The following GRIA3 variants were observed in gnomAD, a reference collection of about 807,000 sequenced individuals.
The protein encoded by GRIA3 is glutamate receptor 3.
In GRIA3, 3 loss-of-function variants were observed where a neutral mutation model predicts 63.0. That is an observed-to-expected ratio of 0.05 (90% CI 0.02 to 0.12). The LOEUF is 0.12. GRIA3 is among the 10% of genes least tolerant of loss of function. The pLI, the probability that GRIA3 is intolerant of heterozygous loss-of-function variation, is 1.00. For synonymous variants in GRIA3, 274 were observed against 257.9 expected (o/e 1.06, Z -0.60); for missense variants, 347 against 700.9 (o/e 0.50, Z 5.70).
chrX:123,373,325 TATGTGTGC>T (rs1181144830), intron 5 of GRIA3, among the ~76,000 whole-genome samples: 6 of 111,975 alleles, frequency 5.4e-5, no homozygotes, highest in Non-Finnish European at 1.1e-4. Context: ...ACAATAAACA[TATGTGTGC>T]ATGTGTCTTT....
chrX:123,242,651 T>C (rs1300327396), intron 2 of GRIA3, among the ~76,000 whole-genome samples: 1 of 112,481 alleles, frequency 8.9e-6, no homozygotes, highest in Admixed American at 9.4e-5. Context: ...CAAGTACCAA[T>C]ACTACTTACT....
Position 123,391,287 on chromosome X carries a change from A to G in GRIA3, c.751-3681A>G, listed in dbSNP as rs187504109. Among the ~76,000 whole-genome samples the G allele has an allele frequency of 1.6e-4, 18 of 109,579 alleles. No homozygotes were observed. The East Asian group carries it at 4.6e-3, about 28-fold the overall frequency. On this transcript the variant is annotated intron_variant, in intron 5 of 15. Transcript: ENST00000620443. ...ACAGTTACTTCTTCTAATATTTTAA[A>G]TTTGCTTTTGTAGGGGAGGACTTTT...
Position 123,482,938 on chromosome X carries a change from C to T in GRIA3, c.2579C>T (p.Thr860Ile). Residue 860 changes from threonine to isoleucine, a missense_variant, in exon 15 of 16, where the codon ACA becomes ATA. Physicochemically the swap from Thr to Ile is moderately conservative, Grantham distance 89 (BLOSUM62 -1). Around this residue, in one of 8 missense-constraint regions of GRIA3, gnomAD observed 29 missense variants for 46.7 expected, o/e 0.62. Coordinates refer to ENST00000620443, the MANE Select transcript of GRIA3 (RefSeq NM_007325.5). The stretch of plus-strand genomic sequence containing the variant: ...GCAGAGTCCAAACGCATGAAACTCA[C>T]AAAGAACACCCAAAACTTTAAGCCT... ...SRAESKRMKL[T>I]KNTQNFKPAP... 1 of 1,209,960 alleles carries T rather than the reference C, an allele frequency of 8.3e-7. No homozygotes were observed. Among genetic ancestry groups the T allele is most frequent in the Non-Finnish European group, 1.1e-6 (1 of 894,338 alleles).
chrX:123,482,724 A>G, intron 14 of GRIA3, 75 bp from the exon 15 acceptor site: 1 of 1,065,955 alleles, frequency 9.4e-7, no homozygotes, highest in Non-Finnish European at 1.3e-6. Context: ...ACTCCCCTGT[A>G]CTGTTGTAAT....
At chrX:123,372,102 C>T (rs988133000) in intron 5 of GRIA3, among the ~76,000 whole-genome samples, 2 of 111,871 alleles carry the variant, frequency 1.8e-5, no homozygotes, top group African/African-American at 6.5e-5. Context: ...TATGGATATC[C>T]AGTTTTCCCA....
At chrX:123,432,926 C>A (rs935058219) in intron 12 of GRIA3, among the ~76,000 whole-genome samples, 1 of 111,554 alleles carries the variant, frequency 9.0e-6, no homozygotes, top group Non-Finnish European at 1.9e-5. Context: ...CTTTTTGAAA[C>A]AAGCAAACTT....
intron 2 of GRIA3, among the ~76,000 whole-genome samples, chrX:123,221,935 T>A (rs1408060470): frequency 1.8e-5 from 2 of 111,689 alleles, no homozygotes; most frequent in African/African-American, 6.5e-5. Context: ...TGGGTGATAG[T>A]GAAACATTGC....
chrX:123,487,504 CGTTAT>C (rs2045948329), intron 15 of GRIA3, among the ~76,000 whole-genome samples: 1 of 111,095 alleles, frequency 9.0e-6, no homozygotes, highest in Non-Finnish European at 1.9e-5. Context: ...AAAGAATTCA[CGTTAT>C]GTTAAGTATG....
At chrX:123,202,468 C>G (rs143275886) in intron 2 of GRIA3, among the ~76,000 whole-genome samples, 1 of 112,549 alleles carries the variant, frequency 8.9e-6, no homozygotes, top group Non-Finnish European at 1.9e-5. Context: ...TCTCACTAGT[C>G]TTAGCTCCTC....
intron 5 of GRIA3, among the ~76,000 whole-genome samples, chrX:123,358,076 G>A (rs766066297): frequency 9.0e-5 from 10 of 111,256 alleles, no homozygotes; most frequent in Middle Eastern, 4.6e-3. Context: ...GACAGACAGA[G>A]AGAGAGAGAG....
intron 2 of GRIA3, among the ~76,000 whole-genome samples, chrX:123,242,964 TATTC>T (rs1273350761): frequency 8.9e-6 from 1 of 112,603 alleles, no homozygotes; most frequent in Admixed American, 9.4e-5. Context: ...ACTTTACACA[TATTC>T]ATTTAATCCA....
chrX:123,380,142 C>T (rs1472435504), intron 5 of GRIA3, among the ~76,000 whole-genome samples: 4 of 111,253 alleles, frequency 3.6e-5, no homozygotes, highest in Non-Finnish European at 7.5e-5. Flanking sequence ...GATTTATAAT[C>T]GTTTGGGTAT....
chrX:123,451,190 G>A lies in GRIA3; in HGVS notation c.2077-13675G>A, dbSNP rs2045728097. 2.7e-5 allele frequency among the ~76,000 whole-genome samples: 3 copies of A among 110,902 alleles called. No individual in the cohort carries two copies. The South Asian group carries it at 1.1e-3, about 42-fold the overall frequency. On this transcript the variant is annotated intron_variant, in intron 12 of 15. Coordinates refer to ENST00000620443, the MANE Select transcript of GRIA3 (RefSeq NM_007325.5). ...TGTCAGGGCAAAAGTTGAGAAGCAG[G>A]GAGACAGACCACTTAAGAAGTGATT...
chrX:123,281,916 T>C (rs905453422), intron 3 of GRIA3, among the ~76,000 whole-genome samples: 7 of 111,853 alleles, frequency 6.3e-5, no homozygotes, highest in East Asian at 5.6e-4. Context: ...ACAAGATACA[T>C]AGGACTCAGA....
At chrX:123,255,195 A>T (rs1322969993) in intron 3 of GRIA3, among the ~76,000 whole-genome samples, 2 of 111,827 alleles carry the variant, frequency 1.8e-5, no homozygotes, top group Non-Finnish European at 3.8e-5. Flanking sequence ...TTTCAGAGAA[A>T]GCTTGCTAGA....
At chrX:123,483,697 C>G (rs900484088) in intron 15 of GRIA3, among the ~76,000 whole-genome samples, 1 of 112,393 alleles carries the variant, frequency 8.9e-6, no homozygotes, top group South Asian at 3.7e-4. Context: ...CTTTGGGAGG[C>G]TGAGGCGGGT....
At chrX:123,287,136 T>A (rs1034507657) in intron 3 of GRIA3, among the ~76,000 whole-genome samples, 2 of 111,384 alleles carry the variant, frequency 1.8e-5, no homozygotes, top group Non-Finnish European at 3.8e-5. Flanking sequence ...ACATAATCCA[T>A]CACATAAACA....
chrX:123,425,609 T>C (rs975964625), intron 11 of GRIA3, among the ~76,000 whole-genome samples: 1 of 112,306 alleles, frequency 8.9e-6, no homozygotes, highest in South Asian at 3.7e-4. Flanking sequence ...ACACCCTGTA[T>C]ACTTTTAGCA....
At chrX:123,358,480 G>C (rs1453674595) in intron 5 of GRIA3, 1 of 111,958 alleles carries the variant, frequency 8.9e-6, no homozygotes, top group Non-Finnish European at 1.9e-5. Context: ...CAGAGGTCAA[G>C]ATGTACATTT....
Sources: allele counts gnomAD v4.1 joint callset (sites outside exome capture counted in the v4.1 genomes callset), GRCh38; gene constraint gnomAD v4.1.1; regional missense constraint gnomAD v4.1.1; transcripts MANE v1.5; gene names NCBI Gene and HGNC (gene_info 2026-07-23, HGNC 2026-07-21).